The following MYO1H variants were observed in gnomAD, a reference collection of about 807,000 sequenced individuals.
The protein encoded by MYO1H is unconventional myosin-Ih.
MYO1H carries 118 observed loss-of-function variants against 149.3 expected under a neutral mutation model. The observed-to-expected ratio is 0.79, with a 90% CI of 0.68 to 0.92. The LOEUF (loss-of-function observed/expected upper bound fraction) is 0.92. MYO1H is among the 40% of genes least tolerant of loss of function. The pLI is 0.00. For missense variants in MYO1H, 1,212 were observed against 1,280.7 expected (o/e 0.95, Z 0.82); for synonymous variants, 447 against 465.2 (o/e 0.96, Z 0.50).
chr12:109,384,379 T>C (rs1350889971), intron 1 of MYO1H, among the ~76,000 whole-genome samples: 1 of 152,228 alleles, frequency 6.6e-6, no homozygotes, highest in Non-Finnish European at 1.5e-5. Context: ...TTAGGTGTAA[T>C]TGAAGATCTC....
At chr12:109,340,301 C>T in the MYO1H span, among the ~76,000 whole-genome samples, 1 of 152,150 alleles carries the variant, frequency 6.6e-6, no homozygotes, top group African/African-American at 2.4e-5. Context: ...CTGCCTCAGC[C>T]TCCCGAGTAG....
intron 1 of MYO1H, among the ~76,000 whole-genome samples, chr12:109,363,467 C>CT (rs1216104573): frequency 6.6e-6 from 1 of 152,200 alleles, no homozygotes; most frequent in African/African-American, 2.4e-5. Context: ...TAATCCAGCA[C>CT]TTTGGGAGGC....
intron 31 of MYO1H, chr12:109,445,965 C>T (rs370231410): frequency 2.8e-5 from 28 of 985,230 alleles, no homozygotes; most frequent in Middle Eastern, 5.2e-4. Context: ...GAAATCAATG[C>T]GCTTGTGTCC....
At chr12:109,396,663 C>A in intron 4 of MYO1H, 81 bp downstream of exon 4, 1 of 1,240,332 alleles carries the variant, frequency 8.1e-7, no homozygotes, top group South Asian at 1.5e-5. Context: ...GCAGGTCAGT[C>A]AAAATGGGCA....
the MYO1H span, among the ~76,000 whole-genome samples, chr12:109,341,188 C>CA: frequency 0.037 from 2,985 of 80,938 alleles, 286 homozygotes; most frequent in East Asian, 0.2. Flanking sequence ...GACTCCATCT[C>CA]GAAAAAAAAA....
At chr12:109,405,018 C>A (rs555424291) in intron 7 of MYO1H, among the ~76,000 whole-genome samples, 129 of 151,824 alleles carry the variant, frequency 8.5e-4, no homozygotes, top group Non-Finnish European at 1.6e-3. Context: ...TGAGACTAGC[C>A]TGGGGAACAT....
At chr12:109,411,207 A>C (rs1298195726) in intron 13 of MYO1H, among the ~76,000 whole-genome samples, 3 of 152,146 alleles carry the variant, frequency 2.0e-5, no homozygotes, top group Admixed American at 6.5e-5. Flanking sequence ...GGGCTCAAGC[A>C]GTCCTCCCAC....
At chr12:109,409,467 C>T (rs1222304712) in intron 10 of MYO1H, 90 bp from the exon 11 acceptor site, 23 of 1,097,660 alleles carry the variant, frequency 2.1e-5, no homozygotes, top group Admixed American at 6.9e-5. Flanking sequence ...TGAGCTTTAG[C>T]GCCAAGTCCC....
At chr12:109,406,473 A>C in intron 8 of MYO1H, among the ~76,000 whole-genome samples, 1 of 31,166 alleles carries the variant, frequency 3.2e-5, no homozygotes, top group African/African-American at 3.4e-4. Context: ...CTCTTAAAAA[A>C]AAAAAAAAAA....
the MYO1H span, among the ~76,000 whole-genome samples, chr12:109,312,953 A>G: frequency 1.3e-5 from 2 of 151,920 alleles, no homozygotes; most frequent in Non-Finnish European, 2.9e-5. Flanking sequence ...GAAAGTTCTC[A>G]ATGGAGGCTG....
At chr12:109,348,214 C>G (rs1202744174) in intron 1 of MYO1H, among the ~76,000 whole-genome samples, 1 of 152,214 alleles carries the variant, frequency 6.6e-6, no homozygotes, top group Non-Finnish European at 1.5e-5. Context: ...GTTACCGATT[C>G]ATTTCACATT....
rs115508679 is a variant in MYO1H at position 109,374,815 on chromosome 12, G to A, written c.13-13868G>A. On this transcript the variant is annotated intron_variant, in intron 1 of 31. Transcript: ENST00000310903. Reference sequence around the variant, plus strand: ...TTTGGTAAGTATAAAATTATATTCCGGTGCATATTAATTTGCACATTTCAT... The same window carrying A: ...TTTGGTAAGTATAAAATTATATTCCAGTGCATATTAATTTGCACATTTCAT... 9.5e-3 allele frequency among the ~76,000 whole-genome samples: 1,445 copies of A among 151,808 alleles called. 19 individuals carry two copies. The highest frequency in any genetic ancestry group is 0.033 in the African/African-American group (1,355 of 41,350).
upstream of MYO1H, among the ~76,000 whole-genome samples, chr12:109,344,935 G>A (rs117238747): frequency 0.01 from 1,550 of 152,318 alleles, 12 homozygotes; most frequent in Non-Finnish European, 0.016. Context: ...ATGTTATAAA[G>A]TTAGATGTCT....
chr12:109,380,801 C>A (rs778528914), intron 1 of MYO1H, among the ~76,000 whole-genome samples: 11 of 152,138 alleles, frequency 7.2e-5, no homozygotes, highest in South Asian at 4.2e-4. Flanking sequence ...CAAAAATTAG[C>A]CAGGCATGGT....
chr12:109,388,934 A>G (rs1009309138), intron 2 of MYO1H, 90 bp downstream of exon 2: 36 of 1,425,312 alleles, frequency 2.5e-5, no homozygotes, highest in Admixed American at 4.3e-5. Context: ...ATAGCACTCT[A>G]TTAGGTTAGA....
chr12:109,340,923 A>C, the MYO1H span, among the ~76,000 whole-genome samples: 1 of 152,192 alleles, frequency 6.6e-6, no homozygotes, highest in African/African-American at 2.4e-5. Context: ...TCAGTGGCTC[A>C]TGCCAGTAAT....
At chr12:109,439,085 T>G (rs1206261733) in intron 23 of MYO1H, among the ~76,000 whole-genome samples, 1 of 151,902 alleles carries the variant, frequency 6.6e-6, no homozygotes, top group African/African-American at 2.4e-5. Context: ...TGTTTGTTTT[T>G]TTTGTTTGAG....
In MYO1H at chr12:109,426,100, G is replaced by A. The variant is rs760488011; in HGVS notation, c.1831+49G>A. On this transcript the variant is annotated intron_variant, in intron 18 of 31. Coordinates refer to ENST00000310903, the Ensembl canonical transcript of MYO1H. ...TGGGCTCAGGGAAAGGAGGCTGGGA[G>A]CCAAAGCAAGGTGGCAGTGGGTTGG... The A allele has an allele frequency of 1.5e-5, 21 of 1,403,516 alleles. No individual in the cohort carries two copies. In the African/African-American group the frequency reaches 2.1e-4, roughly 14 times the overall value. 86.9% of individuals were successfully genotyped at this position (1,403,516 alleles called of 1,614,324 possible).
At chr12:109,359,150 C>G (rs1196378249) in intron 1 of MYO1H, 2 of 152,130 alleles carry the variant, frequency 1.3e-5, no homozygotes, top group Non-Finnish European at 2.9e-5. Flanking sequence ...GTTCGGATTT[C>G]TGGCCTAAAC....
Sources: allele counts gnomAD v4.1 joint callset (sites outside exome capture counted in the v4.1 genomes callset), GRCh38; gene constraint gnomAD v4.1.1; transcripts MANE v1.5; gene names NCBI Gene and HGNC (gene_info 2026-07-23, HGNC 2026-07-21).